ZFYVE16: variants seen among roughly 807,000 people sequenced by gnomAD.
ZFYVE16 encodes zinc finger FYVE-type containing 16, also known as zinc finger FYVE domain-containing protein 16.
A neutral mutation model predicts 138.1 loss-of-function variants in ZFYVE16; 89 were observed. That is an observed-to-expected ratio of 0.64 (90% confidence interval 0.54 to 0.77). The LOEUF is 0.77. Among genes scored for constraint, ZFYVE16 ranks in the 30% least tolerant of loss-of-function variants. ZFYVE16 has a pLI of 0.00. For missense variants in ZFYVE16, 1,793 were observed against 1,786.7 expected (o/e 1.00, Z -0.06); for synonymous variants, 596 against 618.3 (o/e 0.96, Z 0.53).
chr5:80,441,109 A>C (rs1750658903), intron 5 of ZFYVE16: 1 of 985,428 alleles, frequency 1.0e-6, no homozygotes, highest in African/African-American at 1.7e-5. Flanking sequence ...TCAGTAGCCT[A>C]GAAGATGACT....
chr5:80,442,545 C>T (rs909623897), intron 5 of ZFYVE16, among the ~76,000 whole-genome samples: 4 of 152,072 alleles, frequency 2.6e-5, no homozygotes, highest in African/African-American at 7.2e-5. Context: ...ATAATAGGAG[C>T]AAAGATTCTA....
chr5:80,440,452 C>T (rs1750540899), intron 5 of ZFYVE16: 2 of 985,488 alleles, frequency 2.0e-6, no homozygotes, highest in Non-Finnish European at 2.4e-6. Context: ...AAAATAACAA[C>T]CTAAAATGAG....
chr5:80,418,279 T>G (rs1746551372), intron 1 of ZFYVE16, among the ~76,000 whole-genome samples: 3 of 146,728 alleles, frequency 2.0e-5, no homozygotes, highest in East Asian at 2.0e-4. Flanking sequence ...GCTCTTTCTT[T>G]TCCCTTCCCC....
intron 5 of ZFYVE16, chr5:80,441,570 G>A (rs745484662): frequency 3.2e-5 from 32 of 985,010 alleles, no homozygotes; most frequent in Non-Finnish European, 3.6e-5. Context: ...AGAGAAAGAC[G>A]GTTCATGGGT....
In ZFYVE16 at chr5:80,438,491, A is replaced by C; in HGVS notation, c.1806A>C (p.Gln602His). ...INIICEIVDK[Q>H]NTIENGLSLG... ...TAATTTGTGAAATAGTTGATAAACA[A>C]AATACAATAGAAAATGGCCTTTCTT... is the stretch of plus-strand genomic sequence containing the variant. The change falls in exon 4 of 19, where the codon CAA becomes CAC. Residue 602 changes from glutamine to histidine, a missense_variant. Coordinates refer to ENST00000505560, the MANE Select transcript of ZFYVE16 (RefSeq NM_001284236.3). 6.2e-7 allele frequency: 1 copy of C among 1,613,732 alleles called. No individual in the cohort carries two copies. Among genetic ancestry groups the C allele is most frequent in the Non-Finnish European group, 8.5e-7 (1 of 1,179,852 alleles).
chr5:80,437,169 A>T lies in ZFYVE16; in HGVS notation c.484A>T (p.Ile162Phe). The T allele has an allele frequency of 6.2e-7, 1 of 1,614,024 alleles. No homozygotes were observed. Among genetic ancestry groups the T allele is most frequent in the Non-Finnish European group, 8.5e-7 (1 of 1,179,970 alleles). ...TTTTAAGTCTAATGCAGATTCCTTG[A>T]TTGGATTGGATTTATCTTCAGTGTC... Reference protein sequence around the residue: ...DDFKSNADSLIGLDLSSVSDT... With the variant: ...DDFKSNADSLFGLDLSSVSDT... Residue 162 changes from isoleucine to phenylalanine, a missense_variant, in exon 4 of 19, where the codon ATT (isoleucine) becomes TTT (phenylalanine). Coordinates refer to ENST00000505560, the MANE Select transcript of ZFYVE16 (RefSeq NM_001284236.3).
At chr5:80,419,802 GT>G (rs749112855) in intron 1 of ZFYVE16, among the ~76,000 whole-genome samples, 2 of 145,854 alleles carry the variant, frequency 1.4e-5, no homozygotes, top group African/African-American at 2.5e-5. Context: ...CATGTCTTTG[GT>G]TTTTTTTTGT....
intron 1 of ZFYVE16, among the ~76,000 whole-genome samples, chr5:80,420,129 C>CA (rs1199353848): frequency 1.3e-5 from 2 of 150,238 alleles, no homozygotes; most frequent in African/African-American, 4.9e-5. Context: ...TCTTTTGAGA[C>CA]AGAGTTTAGC....
Position 80,445,230 on chromosome 5 carries a change from A to G in ZFYVE16, c.2582-33A>G, listed in dbSNP as rs765195275. On this transcript the variant is annotated intron_variant, in intron 6 of 18. Transcript: ENST00000505560. Reference sequence around the variant, plus strand: ...CATTAAATCATTGCCATATTACCAGATTCAAATGTTTTACTTTTTCAATTG... The same window carrying G: ...CATTAAATCATTGCCATATTACCAGGTTCAAATGTTTTACTTTTTCAATTG... 3 of 1,600,416 alleles carry G rather than the reference A, an allele frequency of 1.9e-6. No homozygotes were observed. In the South Asian group the frequency reaches 3.4e-5, roughly 18 times the overall value.
In ZFYVE16 at chr5:80,455,698, C is replaced by T. The variant is rs1315537857; in HGVS notation, c.3614C>T (p.Pro1205Leu). 1 of 1,604,462 alleles carries T rather than the reference C, an allele frequency of 6.2e-7. No homozygotes were observed. The highest frequency in any genetic ancestry group is 8.5e-7 in the Non-Finnish European group (1 of 1,177,366). ...TTTCCTTTCTTATGTATAGCATATC[C>T]TGCTCCTCTAACAAGCATCAGAGGC... is the stretch of plus-strand genomic sequence containing the variant. ...LRLGAEYKAY[P>L]APLTSIRGRK... The change falls in exon 12 of 19, where the codon CCT becomes CTT. Residue 1205 changes from proline to leucine, a missense_variant. By Grantham distance (98) the Pro-to-Leu change is moderately conservative. Around this residue, in one of 2 missense-constraint regions of ZFYVE16, gnomAD observed 498 missense variants for 582.4 expected, o/e 0.86. Coordinates refer to ENST00000505560, the MANE Select transcript of ZFYVE16 (RefSeq NM_001284236.3).
chr5:80,471,090 A>G (rs1264901874), intron 15 of ZFYVE16, among the ~76,000 whole-genome samples: 2 of 152,146 alleles, frequency 1.3e-5, no homozygotes, highest in Non-Finnish European at 2.9e-5. Flanking sequence ...AGCTCTGGGA[A>G]TGGAATGTGA....
At chr5:80,409,156 T>C (rs1318480435) in intron 1 of ZFYVE16, among the ~76,000 whole-genome samples, 3 of 152,228 alleles carry the variant, frequency 2.0e-5, no homozygotes, top group Admixed American at 6.5e-5. Flanking sequence ...CCTGTGCATT[T>C]TCTTGAGATG....
At chr5:80,460,722 C>T (rs925805169) in intron 15 of ZFYVE16, among the ~76,000 whole-genome samples, 2 of 152,098 alleles carry the variant, frequency 1.3e-5, no homozygotes, top group African/African-American at 4.8e-5. Flanking sequence ...CACAAGAATC[C>T]ATTTCTGAGC....
chr5:80,447,553 G>T (rs1399332422), intron 7 of ZFYVE16, among the ~76,000 whole-genome samples: 3 of 152,130 alleles, frequency 2.0e-5, no homozygotes, highest in African/African-American at 4.8e-5. Context: ...GTCTTTATGG[G>T]TAGTTTTTTC....
At chr5:80,428,596 G>A (rs986740797) in intron 2 of ZFYVE16, among the ~76,000 whole-genome samples, 2 of 152,222 alleles carry the variant, frequency 1.3e-5, no homozygotes, top group Admixed American at 1.3e-4. Context: ...ATGGAACAAA[G>A]CTGGACAGAG....
At chr5:80,457,765 C>T (rs551964395) in intron 14 of ZFYVE16, among the ~76,000 whole-genome samples, 7 of 152,030 alleles carry the variant, frequency 4.6e-5, no homozygotes, top group African/African-American at 1.2e-4. Flanking sequence ...CAGTGGCTCA[C>T]GCCTGTAATC....
At chr5:80,413,486 GAAAA>G (rs992254164) in intron 1 of ZFYVE16, among the ~76,000 whole-genome samples, 1 of 108,632 alleles carries the variant, frequency 9.2e-6, no homozygotes, top group Non-Finnish European at 1.9e-5. Context: ...AAAAAAAAAA[GAAAA>G]AAAAAAGAGA....
intron 1 of ZFYVE16, among the ~76,000 whole-genome samples, chr5:80,411,134 A>ATTTTTTTTT (rs58086060): frequency 3.4e-3 from 321 of 95,172 alleles, no homozygotes; most frequent in African/African-American, 4.3e-3. Context: ...CGCCCAGCTA[A>ATTTTTTTTT]TTTTTTTTTT....
Position 80,472,909 on chromosome 5 carries a change from A to C in ZFYVE16, c.4173A>C (p.Glu1391Asp). 1 of 1,599,960 alleles carries C rather than the reference A, an allele frequency of 6.3e-7. No individual in the cohort carries two copies. The highest frequency in any genetic ancestry group is 8.5e-7 in the Non-Finnish European group (1 of 1,173,970). ...ATATCTGCTGGGTAGATGCTGAAGA[A>C]AAAGGAAACAAAGGGTAGGAATTTT... ...YVDICWVDAE[E>D]KGNKGVISSV... The change falls in exon 16 of 19, where the codon GAA (glutamate) becomes GAC (aspartate). Residue 1391 changes from glutamate (E) to aspartate (D), a missense_variant. Transcript: ENST00000505560.
Sources: allele counts gnomAD v4.1 joint callset (sites outside exome capture counted in the v4.1 genomes callset), GRCh38; gene constraint gnomAD v4.1.1; regional missense constraint gnomAD v4.1.1; transcripts MANE v1.5; gene names NCBI Gene and HGNC (gene_info 2026-07-23, HGNC 2026-07-21).